NBEAL1: variants seen among roughly 807,000 people sequenced by gnomAD.
The protein encoded by NBEAL1 is neurobeachin like 1, also known as neurobeachin-like protein 1.
Under a neutral mutation model 351.3 loss-of-function variants are expected in NBEAL1, and 273 were observed. The observed-to-expected ratio is 0.78, with a 90% CI of 0.70 to 0.86. The LOEUF (loss-of-function observed/expected upper bound fraction) is 0.86. NBEAL1 is among the 40% of genes least tolerant of loss of function. NBEAL1 has a pLI of 0.00. For missense variants in NBEAL1, 2,961 were observed against 3,201.3 expected (o/e 0.92, Z 1.81); for synonymous variants, 1,050 against 1,086.4 (o/e 0.97, Z 0.66).
chr2:203,208,835 G>A, intron 52 of NBEAL1, 82 bp downstream of exon 52: 8 of 1,008,046 alleles, frequency 7.9e-6, no homozygotes, highest in Non-Finnish European at 1.2e-5. Flanking sequence ...GTTTTTCAGA[G>A]GAATTGATAA....
intron 4 of NBEAL1, 43 bp downstream of exon 4, chr2:203,050,018 G>T: frequency 6.5e-7 from 1 of 1,526,842 alleles, no homozygotes; most frequent in South Asian, 1.2e-5. Flanking sequence ...TCATAGGTGG[G>T]AGTTGAACAA....
At chr2:203,187,059 T>C (rs2064917749) in intron 44 of NBEAL1, among the ~76,000 whole-genome samples, 1 of 152,202 alleles carries the variant, frequency 6.6e-6, no homozygotes. Context: ...CAATTTCTCA[T>C]TTTGAGAGTC....
chr2:203,137,840 C>T (rs944859579), intron 29 of NBEAL1, among the ~76,000 whole-genome samples: 6 of 151,874 alleles, frequency 4.0e-5, no homozygotes, highest in African/African-American at 1.5e-4. Flanking sequence ...AAAAATTAGC[C>T]GGGCATGGTG....
At chr2:203,208,844 A>G (rs2065687927) in intron 52 of NBEAL1, 91 bp downstream of exon 52, 1 of 905,932 alleles carries the variant, frequency 1.1e-6, no homozygotes, top group South Asian at 1.8e-5. Flanking sequence ...AGGAATTGAT[A>G]AGAGTATAGA....
chr2:203,088,324 G>A (rs2062005647), intron 10 of NBEAL1, among the ~76,000 whole-genome samples: 1 of 152,110 alleles, frequency 6.6e-6, no homozygotes, highest in Non-Finnish European at 1.5e-5. Flanking sequence ...AAGAAGGAGG[G>A]GAGGGAAAAG....
intron 7 of NBEAL1, among the ~76,000 whole-genome samples, chr2:203,075,734 T>C (rs1403513572): frequency 6.6e-6 from 1 of 152,250 alleles, no homozygotes; most frequent in Non-Finnish European, 1.5e-5. Context: ...CCTTTCCATG[T>C]AGCAGTTCAG....
At chr2:203,203,506 G>A (rs1376206779) in intron 51 of NBEAL1, among the ~76,000 whole-genome samples, 2 of 151,782 alleles carry the variant, frequency 1.3e-5, no homozygotes, top group Non-Finnish European at 2.9e-5. Context: ...GTCTTAACAG[G>A]CTTTCTCCCA....
chr2:203,164,625 T>A (rs1011725625), intron 36 of NBEAL1, among the ~76,000 whole-genome samples: 1 of 152,164 alleles, frequency 6.6e-6, no homozygotes, highest in Non-Finnish European at 1.5e-5. Context: ...AAAACATTCT[T>A]TCCAGTAATT....
intron 42 of NBEAL1, among the ~76,000 whole-genome samples, chr2:203,175,782 T>G (rs2064481289): frequency 6.6e-6 from 1 of 152,220 alleles, no homozygotes; most frequent in Non-Finnish European, 1.5e-5. Flanking sequence ...AGCTTTTCCA[T>G]GAATCTTCTG....
chr2:203,032,383 C>T (rs576163441), intron 2 of NBEAL1, among the ~76,000 whole-genome samples: 1 of 152,086 alleles, frequency 6.6e-6, no homozygotes, highest in Non-Finnish European at 1.5e-5. Flanking sequence ...AACAGCTGGG[C>T]ACGGTGGCTC....
intron 6 of NBEAL1, among the ~76,000 whole-genome samples, chr2:203,061,097 C>T (rs1170914645): frequency 6.6e-6 from 1 of 152,152 alleles, no homozygotes; most frequent in Non-Finnish European, 1.5e-5. Flanking sequence ...TCTCCACTGA[C>T]TTCTTACATA....
At chr2:203,195,910 A>G (rs912148377) in intron 47 of NBEAL1, among the ~76,000 whole-genome samples, 1 of 152,170 alleles carries the variant, frequency 6.6e-6, no homozygotes, top group African/African-American at 2.4e-5. Flanking sequence ...TATTTGCACA[A>G]ACACTCTAGG....
At chr2:203,193,486 A>G (rs1404398594) in intron 46 of NBEAL1, among the ~76,000 whole-genome samples, 2 of 152,194 alleles carry the variant, frequency 1.3e-5, no homozygotes, top group Non-Finnish European at 2.9e-5. Flanking sequence ...AATCCAATAT[A>G]GAAAGAAATA....
At chr2:203,031,106 G>A (rs2060942639) in intron 2 of NBEAL1, among the ~76,000 whole-genome samples, 2 of 152,188 alleles carry the variant, frequency 1.3e-5, no homozygotes. Flanking sequence ...CTTATTTCCT[G>A]ATGTATGAAT....
chr2:203,198,446 G>A (rs1368530554), intron 48 of NBEAL1, among the ~76,000 whole-genome samples: 1 of 152,008 alleles, frequency 6.6e-6, no homozygotes, highest in African/African-American at 2.4e-5. Context: ...TATCCTTCTG[G>A]TTTATGTTCT....
At chr2:203,150,888 C>T (rs969578568) in intron 34 of NBEAL1, among the ~76,000 whole-genome samples, 2 of 152,188 alleles carry the variant, frequency 1.3e-5, no homozygotes, top group Non-Finnish European at 2.9e-5. Flanking sequence ...AATCTTATTT[C>T]TGCTACCTGT....
chr2:203,136,493 T>C, intron 28 of NBEAL1, 106 bp from the exon 29 acceptor site: 1 of 903,584 alleles, frequency 1.1e-6, no homozygotes, highest in South Asian at 2.0e-5. Context: ...TTAAGGACTT[T>C]AAAAATATGT....
Position 203,217,352 on chromosome 2 carries a change from T to G in NBEAL1, c.8170T>G (p.Ter2724GlyextTer13). ...TGAATATAATACTCAAGATTCCAAG[T>G]GATTGTTATTTCCATTTTCTGTTAT... ...ETEYNTQDSK[*>G] The change falls in exon 56 of 56, where the codon TGA (stop) becomes GGA (glycine). Residue 2724 changes from the stop codon to glycine (G), a stop_lost. Coordinates refer to ENST00000683969, the MANE Select transcript of NBEAL1 (RefSeq NM_001378026.1). 6.4e-7 allele frequency: 1 copy of G among 1,565,936 alleles called. No individual in the cohort carries two copies.
At chr2:203,087,569 C>T (rs2061991463) in intron 10 of NBEAL1, among the ~76,000 whole-genome samples, 1 of 152,202 alleles carries the variant, frequency 6.6e-6, no homozygotes, top group Non-Finnish European at 1.5e-5. Flanking sequence ...CAAGGCCTGC[C>T]TATTAAGCCT....
Sources: gnomAD v4.1 joint callset for allele counts (sites outside exome capture counted in the v4.1 genomes callset) on GRCh38, gnomAD v4.1.1 for gene constraint, MANE v1.5 for transcripts, NCBI Gene and HGNC (gene_info 2026-07-23, HGNC 2026-07-21) for gene names.